ANKRD36: variants seen among roughly 807,000 people sequenced by gnomAD.
The protein encoded by ANKRD36 is ankyrin repeat domain-containing protein 36A.
In ANKRD36, 179 loss-of-function variants were observed where a neutral mutation model predicts 278.1. The observed-to-expected ratio is 0.64, with a 90% CI of 0.57 to 0.73. The LOEUF is 0.73. Ranked by LOEUF, ANKRD36 falls within the 30% of genes least tolerant of loss-of-function variation. The pLI, the probability that ANKRD36 is intolerant of heterozygous loss-of-function variation, is 0.00. For synonymous variants in ANKRD36, 320 were observed against 641.1 expected (o/e 0.50, Z 7.57); for missense variants, 1,159 against 1,956.7 (o/e 0.59, Z 7.69).
intron 12 of ANKRD36, among the ~76,000 whole-genome samples, chr2:97,151,319 T>G (rs2045912172): frequency 6.6e-6 from 1 of 151,856 alleles, no homozygotes; most frequent in Admixed American, 6.6e-5. Flanking sequence ...GATGATTGCT[T>G]TTTTCTGTCT....
chr2:97,220,947 T>A (rs2067465107), intron 66 of ANKRD36, among the ~76,000 whole-genome samples: 1 of 88,422 alleles, frequency 1.1e-5, no homozygotes. Flanking sequence ...CCCACCACAG[T>A]CCCCAGAGTG....
intron 12 of ANKRD36, among the ~76,000 whole-genome samples, chr2:97,149,994 T>C (rs1320906564): frequency 6.6e-6 from 1 of 151,810 alleles, no homozygotes; most frequent in Non-Finnish European, 1.5e-5. Flanking sequence ...GGAGAATTTC[T>C]TGAGCCCAGG....
chr2:97,168,321 A>T (rs1559447528), intron 22 of ANKRD36, among the ~76,000 whole-genome samples: 1 of 152,262 alleles, frequency 6.6e-6, no homozygotes, highest in South Asian at 2.1e-4. Flanking sequence ...GAATAAAGTC[A>T]TTAATCATTT....
In ANKRD36 at chr2:97,207,886, A is replaced by G. The variant is rs780442437; in HGVS notation, c.3192+47A>G. On this transcript the variant is annotated intron_variant, in intron 53 of 75. Transcript: ENST00000420699. ...TTGTGAACTAGTAAATGTATAGTCT[A>G]TGAAACATACTTTATTAATTTATTA... 3.9e-6 allele frequency: 6 copies of G among 1,542,060 alleles called. 1 individual carries two copies. Among genetic ancestry groups the G allele is most frequent in the South Asian group, 3.6e-5 (3 of 83,330 alleles).
At chr2:97,171,283 A>G (rs1222216679) in intron 22 of ANKRD36, among the ~76,000 whole-genome samples, 4 of 146,296 alleles carry the variant, frequency 2.7e-5, no homozygotes, top group Non-Finnish European at 6.0e-5. Flanking sequence ...TCACAATAGC[A>G]AAGACTTGGA....
intron 66 of ANKRD36, among the ~76,000 whole-genome samples, chr2:97,222,116 C>T (rs1312795665): frequency 6.6e-6 from 1 of 152,002 alleles, no homozygotes; most frequent in Non-Finnish European, 1.5e-5. Flanking sequence ...TCTGAGGGCT[C>T]TGTTCTGTTC....
At chr2:97,151,506 A>G (rs2045963780) in intron 12 of ANKRD36, among the ~76,000 whole-genome samples, 1 of 152,302 alleles carries the variant, frequency 6.6e-6, no homozygotes, top group African/African-American at 2.4e-5. Context: ...ATGCATACCT[A>G]TTTTGAAAAA....
intron 1 of ANKRD36, among the ~76,000 whole-genome samples, chr2:97,114,458 AAAAC>A (rs1331046515): frequency 1.5e-5 from 2 of 133,068 alleles, no homozygotes; most frequent in East Asian, 2.2e-4. Context: ...CAGCAAAACA[AAAAC>A]AAAACTTCAG....
chr2:97,208,069 G>A lies in ANKRD36; in HGVS notation c.3265+63G>A. 2 of 1,408,372 alleles carry A rather than the reference G, an allele frequency of 1.4e-6. 1 individual carries two copies. Among genetic ancestry groups the A allele is most frequent in the African/African-American group, 3.2e-5 (2 of 61,640 alleles). 87.2% of individuals were successfully genotyped at this position (1,408,372 alleles called of 1,614,324 possible). A position where few individuals can be genotyped will look rare whatever the true frequency, so the allele number is the denominator to read the frequency against. On this transcript the variant is annotated intron_variant, in intron 54 of 75. Coordinates refer to ENST00000420699, the MANE Select transcript of ANKRD36 (RefSeq NM_001354587.1). ...AGATAGATAAGAAGTTCTCTTCCCT[G>A]AATAAATCAGCGGGGGGCTCGTTGA... is the stretch of plus-strand genomic sequence containing the variant.
intron 68 of ANKRD36, among the ~76,000 whole-genome samples, chr2:97,235,533 A>G (rs2073435167): frequency 7.0e-6 from 1 of 142,188 alleles, no homozygotes; most frequent in Non-Finnish European, 1.5e-5. Context: ...AAATATCCCA[A>G]ATCTGAAATG....
chr2:97,181,046 A>C (rs1471383198), intron 24 of ANKRD36, among the ~76,000 whole-genome samples: 1 of 151,732 alleles, frequency 6.6e-6, no homozygotes, highest in Non-Finnish European at 1.5e-5. Flanking sequence ...GAAATAATGA[A>C]TATTATCTAC....
intron 22 of ANKRD36, among the ~76,000 whole-genome samples, chr2:97,174,655 A>G (rs1326208740): frequency 6.6e-6 from 1 of 151,540 alleles, no homozygotes; most frequent in African/African-American, 2.4e-5. Flanking sequence ...AGAACTTCCA[A>G]CACTATGTTG....
intron 6 of ANKRD36, among the ~76,000 whole-genome samples, chr2:97,133,440 T>A (rs1256161255): frequency 5.3e-5 from 8 of 152,060 alleles, no homozygotes; most frequent in Non-Finnish European, 1.0e-4. Context: ...AATGGTTAGA[T>A]AAAATAAGTA....
chr2:97,185,262 GATAACTTTATC>G (rs2057147300), intron 28 of ANKRD36, 43 bp from the exon 29 acceptor site: 1 of 1,563,176 alleles, frequency 6.4e-7, no homozygotes. Flanking sequence ...TGAATGTATA[GATAACTTTATC>G]ATATTTACAT....
chr2:97,159,096 A>G (rs73961164), intron 17 of ANKRD36, among the ~76,000 whole-genome samples: 1 of 151,920 alleles, frequency 6.6e-6, no homozygotes, highest in African/African-American at 2.4e-5. Context: ...CCTCAAAAAC[A>G]GTGAATTTAA....
intron 46 of ANKRD36, 62 bp downstream of exon 46, chr2:97,200,587 A>G: frequency 1.3e-6 from 2 of 1,533,864 alleles, no homozygotes; most frequent in Non-Finnish European, 1.8e-6. Context: ...TCTTCCCCGA[A>G]TAAATCAGTC....
At chr2:97,206,972 C>T (rs1174376042) in intron 52 of ANKRD36, among the ~76,000 whole-genome samples, 1 of 151,394 alleles carries the variant, frequency 6.6e-6, no homozygotes, top group Non-Finnish European at 1.5e-5. Flanking sequence ...ATTTTAGAAA[C>T]AAAAATTATG....
intron 66 of ANKRD36, among the ~76,000 whole-genome samples, chr2:97,219,951 A>T (rs1328485809): frequency 6.8e-6 from 1 of 146,702 alleles, no homozygotes; most frequent in Non-Finnish European, 1.5e-5. Context: ...AGCTAATGAA[A>T]TGTTTTATTT....
chr2:97,218,983 C>G, intron 64 of ANKRD36, 67 bp from the exon 65 acceptor site: 5 of 1,536,426 alleles, frequency 3.3e-6, no homozygotes, highest in Non-Finnish European at 4.4e-6. Context: ...TGCTAACACT[C>G]CACGAATGTA....
Sources: allele counts gnomAD v4.1 joint callset (sites outside exome capture counted in the v4.1 genomes callset), GRCh38; gene constraint gnomAD v4.1.1; transcripts MANE v1.5; gene names NCBI Gene and HGNC (gene_info 2026-07-23, HGNC 2026-07-21).